Variants in FAT1 observed in about 807,000 individuals in gnomAD.
FAT1 encodes protocadherin Fat 1.
In FAT1, 171 loss-of-function variants were observed where a neutral mutation model predicts 329.8. That is an observed-to-expected ratio of 0.52 (90% CI 0.46 to 0.59). The LOEUF (loss-of-function observed/expected upper bound fraction) is 0.59, where lower values mean the gene tolerates loss of function less well. Among genes scored for constraint, FAT1 ranks in the 20% least tolerant of loss-of-function variants. The pLI is 0.00. For synonymous variants in FAT1, 2,233 were observed against 2,228.6 expected, an observed-to-expected ratio of 1.00 and a Z score of -0.06; for missense variants, 5,672 against 5,774.4, an observed-to-expected ratio of 0.98 and a Z score of 0.57.
chr4:186,610,666 A>AT (rs1179671744), intron 14 of FAT1, among the ~76,000 whole-genome samples: 3 of 71,606 alleles, frequency 4.2e-5, no homozygotes, highest in East Asian at 5.9e-4. Context: ...TATAAATTAT[A>AT]TAATTTATAT....
At chr4:186,663,209 AG>A in intron 3 of FAT1, 89 bp downstream of exon 3, 6 of 984,026 alleles carry the variant, frequency 6.1e-6, no homozygotes, top group Non-Finnish European at 8.9e-6. Flanking sequence ...AAGAAACAAA[AG>A]TATGTAACAG....
At chr4:186,610,589 TTATA>T (rs1451032183) in intron 14 of FAT1, among the ~76,000 whole-genome samples, 1 of 144,074 alleles carries the variant, frequency 6.9e-6, no homozygotes, top group African/African-American at 2.5e-5. Flanking sequence ...TAAATATAAA[TTATA>T]TAAATATAAA....
chr4:186,651,061 T>TCTA (rs1560966729), intron 3 of FAT1, among the ~76,000 whole-genome samples: 51 of 149,140 alleles, frequency 3.4e-4, no homozygotes, highest in Middle Eastern at 3.6e-3. Context: ...AAATAATTTA[T>TCTA]TTATTATTAA....
intron 3 of FAT1, among the ~76,000 whole-genome samples, chr4:186,655,944 C>A (rs150972128): frequency 2.6e-5 from 4 of 152,206 alleles, no homozygotes; most frequent in Non-Finnish European, 5.9e-5. Context: ...CAGGTACGAC[C>A]GCCAGTACCT....
At chr4:186,673,690 CT>C (rs1478188509) in intron 2 of FAT1, among the ~76,000 whole-genome samples, 1 of 152,206 alleles carries the variant, frequency 6.6e-6, no homozygotes, top group East Asian at 1.9e-4. Context: ...AGCTTTCTGA[CT>C]TGCAAACTTA....
At chr4:186,696,166 C>T (rs1579463730) in intron 2 of FAT1, among the ~76,000 whole-genome samples, 1 of 152,308 alleles carries the variant, frequency 6.6e-6, no homozygotes, top group Admixed American at 6.5e-5. Context: ...TATGAAACTT[C>T]GTGTGACTTC....
intron 2 of FAT1, among the ~76,000 whole-genome samples, chr4:186,679,356 G>T (rs980466810): frequency 2.2e-4 from 32 of 144,510 alleles, no homozygotes; most frequent in Admixed American, 7.1e-5. Context: ...GGCGGAGCTT[G>T]CAGTGAGCTG....
At chr4:186,645,906 A>G (rs926175469) in intron 3 of FAT1, among the ~76,000 whole-genome samples, 1 of 145,410 alleles carries the variant, frequency 6.9e-6, no homozygotes, top group African/African-American at 2.6e-5. Flanking sequence ...AGGGCGGACC[A>G]CTGCAATTGA....
At chr4:186,638,302 A>G (rs905177239) in intron 4 of FAT1, among the ~76,000 whole-genome samples, 1 of 152,182 alleles carries the variant, frequency 6.6e-6, no homozygotes, top group Non-Finnish European at 1.5e-5. Flanking sequence ...TCACGGAGAA[A>G]AGAGGACTCT....
At chr4:186,675,423 C>T (rs184325166) in intron 2 of FAT1, among the ~76,000 whole-genome samples, 47 of 151,904 alleles carry the variant, frequency 3.1e-4, no homozygotes, top group Middle Eastern at 3.4e-3. Flanking sequence ...GTTGAGATTG[C>T]GCCACCGCAC....
intron 2 of FAT1, among the ~76,000 whole-genome samples, chr4:186,688,077 C>G (rs1000458363): frequency 7.0e-6 from 1 of 142,902 alleles, no homozygotes; most frequent in Non-Finnish European, 1.5e-5. Context: ...GAGGGGAGTT[C>G]GCTAATTCTG....
chr4:186,632,721 G>A (rs183525712), intron 7 of FAT1, among the ~76,000 whole-genome samples: 189 of 152,268 alleles, frequency 1.2e-3, no homozygotes, highest in African/African-American at 3.6e-3. Flanking sequence ...AGACATCACC[G>A]ACTATAATTT....
rs1226775250 is a variant in FAT1 at position 186,619,941 on chromosome 4, G to A, written c.6645C>T (p.Phe2215=). The part of the protein sequence containing the change: ...QANSPEGLKV[F]YSITDGDPFS... ...AAGGGTCTCCGTCTGTGATGCTGTA[G>A]AACACTTTCAGGCCTTCCGGGCTGT... Residue 2215 remains phenylalanine (F), a synonymous_variant, in exon 10 of 27, where the codon TTC becomes TTT. Transcript: ENST00000441802. 36 of 1,614,016 alleles carry A rather than the reference G, an allele frequency of 2.2e-5. No individual in the cohort carries two copies. Among genetic ancestry groups the A allele is most frequent in the Non-Finnish European group, 3.0e-5 (35 of 1,179,884 alleles).
rs778406783 is a variant in FAT1 at position 186,636,747 on chromosome 4, C to T, written c.3810G>A (p.Pro1270=). 14 of 1,613,712 alleles carry T rather than the reference C, an allele frequency of 8.7e-6. No homozygotes were observed. The highest frequency in any genetic ancestry group is 3.3e-5 in the Admixed American group (2 of 59,974). The change falls in exon 5 of 27, where the codon CCG becomes CCA. Residue 1270 remains proline (P), a synonymous_variant. Transcript: ENST00000441802. ...TGTCGGTGGCTATGACGTGATAGAG[C>T]GGCTCCCGTCTGGCATTTCTTTCTC... The part of the protein sequence containing the change: ...PDRERNARRE[P]LYHVIATDKD...
intron 14 of FAT1, among the ~76,000 whole-genome samples, chr4:186,610,918 A>C (rs1579316106): frequency 6.6e-6 from 1 of 151,828 alleles, no homozygotes; most frequent in East Asian, 1.9e-4. Context: ...AAGTACTCCA[A>C]CTGTTATAGA....
At chr4:186,671,992 A>G (rs1742753584) in intron 2 of FAT1, among the ~76,000 whole-genome samples, 1 of 152,194 alleles carries the variant, frequency 6.6e-6, no homozygotes, top group Non-Finnish European at 1.5e-5. Context: ...TCAGGGAATG[A>G]CACAGGAAAT....
At chr4:186,699,337 A>G (rs1744188800) in intron 2 of FAT1, among the ~76,000 whole-genome samples, 1 of 152,256 alleles carries the variant, frequency 6.6e-6, no homozygotes, top group Admixed American at 6.5e-5. Flanking sequence ...CCAACATGAA[A>G]TGAGTAAGAC....
In FAT1 at chr4:186,595,704, A is replaced by T. The variant is rs773679488; in HGVS notation, c.13123T>A (p.Ser4375Thr). 1.4e-5 allele frequency: 23 copies of T among 1,613,868 alleles called. No individual in the cohort carries two copies. The highest frequency in any genetic ancestry group is 1.9e-5 in the Non-Finnish European group (22 of 1,179,886). The change falls in exon 26 of 27, where the codon TCG becomes ACG. Residue 4375 changes from serine to threonine, a missense_variant. Coordinates refer to ENST00000441802, the MANE Select transcript of FAT1 (RefSeq NM_005245.4). The stretch of plus-strand genomic sequence containing the variant: ...GCTGCCTCACCATTGTCATCGCACG[A>T]TTCGGACTGGAAGGAGCTCAGAGAC... ...VQSLSSFQSE[S>T]CDDNGYHWDT...
In FAT1 at chr4:186,601,422, A is replaced by T. The variant is rs779377808; in HGVS notation, c.11487T>A (p.Ser3829Arg). Reference protein sequence around the residue: ...PSGRFGQCPGSSSMTLTGNSY... With the variant: ...PSGRFGQCPGRSSMTLTGNSY... ...TGTTTCCAGTCAGTGTCATAGATGA[A>T]CTCCCTGTGAATCACACAGAGGAAA... The change falls in exon 21 of 27, where the codon AGT (serine) becomes AGA (arginine). Residue 3829 changes from serine (S) to arginine (R), a missense_variant. Ser to Arg is a moderately radical substitution (Grantham distance 110). This residue lies in a region of FAT1 where 1,706 missense variants were observed against 1,859.1 expected (regional missense o/e 0.92). Transcript: ENST00000441802. 1.9e-6 allele frequency: 3 copies of T among 1,608,802 alleles called. No individual in the cohort carries two copies. Among genetic ancestry groups the T allele is most frequent in the Non-Finnish European group, 2.6e-6 (3 of 1,175,796 alleles).
Sources: allele counts gnomAD v4.1 joint callset (sites outside exome capture counted in the v4.1 genomes callset), GRCh38; gene constraint gnomAD v4.1.1; regional missense constraint gnomAD v4.1.1; transcripts MANE v1.5; gene names NCBI Gene and HGNC (gene_info 2026-07-23, HGNC 2026-07-21).